Variants in WWOX observed in about 807,000 individuals in gnomAD.
The protein encoded by WWOX is WW domain containing oxidoreductase, also known as WW domain-containing oxidoreductase.
A neutral mutation model predicts 46.2 loss-of-function variants in WWOX; 69 were observed. The ratio of observed to expected loss-of-function variants is 1.49; its 90% CI spans 1.23 to 1.82. WWOX has a LOEUF of 1.82. WWOX is among the 40% of genes most tolerant of loss of function. The probability of loss-of-function intolerance (pLI) is 0.00; values close to 1 mark genes in which losing one functional copy is unlikely to be tolerated. For missense variants in WWOX, 919 were observed against 542.6 expected (o/e 1.69, Z -6.89); for synonymous variants, 359 against 202.6 (o/e 1.77, Z -6.56).
At chr16:79,057,340 A>C (rs894627851) in intron 8 of WWOX, among the ~76,000 whole-genome samples, 1 of 152,188 alleles carries the variant, frequency 6.6e-6, no homozygotes. Context: ...TTTGGATGCA[A>C]TTGCCCCCAA....
intron 8 of WWOX, among the ~76,000 whole-genome samples, chr16:78,878,384 A>C (rs967450795): frequency 6.6e-6 from 1 of 152,188 alleles, no homozygotes; most frequent in South Asian, 2.1e-4. Context: ...AGTAATTATC[A>C]TAACTTTGGA....
At chr16:78,377,424 G>A (rs956253182) in intron 5 of WWOX, among the ~76,000 whole-genome samples, 6 of 152,138 alleles carry the variant, frequency 3.9e-5, no homozygotes, top group South Asian at 2.1e-4. Context: ...AAGCTTTTAC[G>A]CTTCAACTTA....
intron 8 of WWOX, chr16:78,825,739 C>G: frequency 3.4e-6 from 2 of 580,378 alleles, no homozygotes; most frequent in South Asian, 3.4e-5. Context: ...TTGTGGATGG[C>G]CTGATGATCC....
rs61003938 is a variant in WWOX at position 79,097,642 on chromosome 16, G to T, written c.1057-113966G>T. On this transcript the variant is annotated intron_variant, in intron 8 of 8. Transcript: ENST00000566780. ...CGACATTCAACATCGTACTCCAAAGGGGGTTAGGTTTGTGTGCTAGGGGTG... is the reference window on the plus strand; with the variant it reads ...CGACATTCAACATCGTACTCCAAAGTGGGTTAGGTTTGTGTGCTAGGGGTG... Among the ~76,000 whole-genome samples the T allele has an allele frequency of 1.1e-4, 17 of 152,240 alleles. 1 individual carries two copies. The South Asian group carries it at 2.9e-3, about 26-fold the overall frequency.
In WWOX at chr16:78,125,434, T is replaced by C. The variant is rs76471584; in HGVS notation, c.409+10280T>C. On this transcript the variant is annotated intron_variant, in intron 4 of 8. Transcript: ENST00000566780. ...AGCAGCTCATTCATTTTGTTAATCCTGAGTTTGGAATCAACCAATTTATTT... is the reference window on the plus strand; with the variant it reads ...AGCAGCTCATTCATTTTGTTAATCCCGAGTTTGGAATCAACCAATTTATTT... 8.0e-3 allele frequency among the ~76,000 whole-genome samples: 1,218 copies of C among 152,296 alleles called. 17 individuals are homozygous for C. The highest frequency in any genetic ancestry group is 0.028 in the African/African-American group (1,153 of 41,544).
chr16:78,610,588 A>T (rs1225747985), intron 8 of WWOX, among the ~76,000 whole-genome samples: 1 of 152,136 alleles, frequency 6.6e-6, no homozygotes, highest in African/African-American at 2.4e-5. Context: ...GCATTTATTG[A>T]CTAGTCTCTC....
intron 8 of WWOX, among the ~76,000 whole-genome samples, chr16:78,870,186 G>C (rs1567615746): frequency 6.6e-6 from 1 of 152,172 alleles, no homozygotes; most frequent in East Asian, 1.9e-4. Flanking sequence ...TAAGATCCTG[G>C]ATGGCAGGTA....
intron 5 of WWOX, among the ~76,000 whole-genome samples, chr16:78,347,308 C>G (rs1213519101): frequency 1.7e-5 from 2 of 116,994 alleles, no homozygotes; most frequent in African/African-American, 5.8e-5. Context: ...AGATCATACC[C>G]ATTCCCAAGA....
intron 2 of WWOX, among the ~76,000 whole-genome samples, chr16:78,109,016 A>G (rs1423343467): frequency 6.6e-6 from 1 of 152,112 alleles, no homozygotes. Flanking sequence ...AACAACAAAA[A>G]CCAGAAAATA....
At chr16:78,373,502 A>T (rs58224889) in intron 5 of WWOX, among the ~76,000 whole-genome samples, 1 of 152,300 alleles carries the variant, frequency 6.6e-6, no homozygotes, top group Non-Finnish European at 1.5e-5. Context: ...TCTCACCTCA[A>T]TGCAGTGTGG....
chr16:79,068,871 C>T (rs552354626), intron 8 of WWOX, among the ~76,000 whole-genome samples: 13 of 147,454 alleles, frequency 8.8e-5, no homozygotes, highest in South Asian at 4.4e-4. Context: ...ATAAAGAAAG[C>T]GAGAGAGGAG....
At chr16:78,455,643 C>CAAAAA (rs57754374) in intron 8 of WWOX, among the ~76,000 whole-genome samples, 3 of 60,506 alleles carry the variant, frequency 5.0e-5, no homozygotes, top group Non-Finnish European at 8.4e-5. Context: ...GACTCTGTCT[C>CAAAAA]AAAAAAAAAA....
intron 5 of WWOX, among the ~76,000 whole-genome samples, chr16:78,319,778 C>G (rs766587402): frequency 3.9e-5 from 6 of 152,196 alleles, no homozygotes; most frequent in East Asian, 1.9e-4. Context: ...TGTGCTACCC[C>G]TTGAAGTCAC....
intron 8 of WWOX, among the ~76,000 whole-genome samples, chr16:78,569,791 C>T (rs2044667714): frequency 6.6e-6 from 1 of 152,076 alleles, no homozygotes; most frequent in Admixed American, 6.6e-5. Flanking sequence ...TCTTATTGAC[C>T]AAAGAGAGGG....
chr16:78,887,271 C>G (rs1293326584), intron 8 of WWOX, among the ~76,000 whole-genome samples: 1 of 152,010 alleles, frequency 6.6e-6, no homozygotes, highest in Non-Finnish European at 1.5e-5. Flanking sequence ...ATTATACCAG[C>G]AATTCCCCTG....
intron 6 of WWOX, among the ~76,000 whole-genome samples, chr16:78,394,308 T>C (rs1437811086): frequency 6.6e-6 from 1 of 152,204 alleles, no homozygotes; most frequent in Non-Finnish European, 1.5e-5. Context: ...TTTTTTGCTC[T>C]AATGAATGCT....
chr16:78,973,089 A>G (rs1201910917), intron 8 of WWOX, among the ~76,000 whole-genome samples: 1 of 152,228 alleles, frequency 6.6e-6, no homozygotes, highest in Non-Finnish European at 1.5e-5. Context: ...TGTTAATGAC[A>G]TCAAATTCAT....
Position 78,347,398 on chromosome 16 carries a change from C to A in WWOX, c.517-39462C>A, listed in dbSNP as rs188561308. Among the ~76,000 whole-genome samples, 52 of 118,088 alleles carry A rather than the reference C, an allele frequency of 4.4e-4. 17 individuals carry two copies. The highest frequency in any genetic ancestry group is 8.4e-4 in the Non-Finnish European group (42 of 49,780). 77.5% of individuals were successfully genotyped at this position (118,088 alleles called of 152,430 possible). On this transcript the variant is annotated intron_variant, in intron 5 of 8. Transcript: ENST00000566780. ...AAGTATCTGTCCATGGTGTTGGTCCCAGGTTATTCGCACCTCATATGTCTT... is the reference window on the plus strand; with the variant it reads ...AAGTATCTGTCCATGGTGTTGGTCCAAGGTTATTCGCACCTCATATGTCTT...
intron 8 of WWOX, among the ~76,000 whole-genome samples, chr16:78,808,443 T>C (rs1328910771): frequency 1.3e-5 from 2 of 152,316 alleles, no homozygotes; most frequent in Non-Finnish European, 2.9e-5. Context: ...TAGAAATCCA[T>C]TTTAAAGTGT....
Sources: allele counts gnomAD v4.1 joint callset (sites outside exome capture counted in the v4.1 genomes callset), GRCh38; gene constraint gnomAD v4.1.1; transcripts MANE v1.5; gene names NCBI Gene and HGNC (gene_info 2026-07-23, HGNC 2026-07-21).